Variants in ABHD2 observed in about 807,000 individuals in gnomAD.
ABHD2 encodes abhydrolase domain containing 2, acylglycerol lipase.
A neutral mutation model predicts 48.1 loss-of-function variants in ABHD2; 20 were observed. That is an observed-to-expected ratio of 0.42 (90% CI 0.29 to 0.60). The LOEUF is 0.60. Ranked by LOEUF, ABHD2 falls within the 20% of genes least tolerant of loss-of-function variation. The pLI is 0.24. For synonymous variants in ABHD2, 209 were observed against 214.2 expected (o/e 0.98, Z 0.21); for missense variants, 405 against 550.9 (o/e 0.74, Z 2.65).
Position 89,201,475 on chromosome 15 carries a change from G to A in ABHD2, c.*6052G>A. 2.0e-6 allele frequency: 3 copies of A among 1,531,366 alleles called. No homozygotes were observed. Among genetic ancestry groups the A allele is most frequent in the Non-Finnish European group, 2.7e-6 (3 of 1,110,758 alleles). 94.9% of individuals were successfully genotyped at this position (1,531,366 alleles called of 1,614,324 possible). A position where few individuals can be genotyped will look rare whatever the true frequency, so the allele number is the denominator to read the frequency against. On this transcript the variant is annotated 3_prime_UTR_variant, in exon 11 of 11. Coordinates refer to ENST00000352732, the MANE Select transcript of ABHD2 (RefSeq NM_152924.5). ...ATGAGGTTTTGCCTCATTCCACACA[G>A]CTTCCATATCTGAAGTGTTTAGTGG...
rs2051207286 is a variant in ABHD2, at chr15:89,186,230, CG to C, written c.815+715del. On this transcript the variant is annotated intron_variant, in intron 7 of 10. Coordinates refer to ENST00000352732, the MANE Select transcript of ABHD2 (RefSeq NM_152924.5). This position sits in a 1 kb window ranked among gnomAD's most constrained non-coding sequence, Gnocchi z 4.3. The stretch of plus-strand genomic sequence containing the variant: ...CAGGAGGCTCAGGGCATGGTTTCGG[CG>C]CCTCCCTGCTCGGAGTTTGAGCCTC... Among the ~76,000 whole-genome samples the C allele has an allele frequency of 6.6e-6, 1 of 152,132 alleles. No homozygotes were observed. The highest frequency in any genetic ancestry group is 2.4e-5 in the African/African-American group (1 of 41,418).
chr15:89,135,966 G>T (rs1008172733), intron 3 of ABHD2: 100 of 375,442 alleles, frequency 2.7e-4, no homozygotes, highest in African/African-American at 2.1e-3. Flanking sequence ...CCCTTTTGTT[G>T]CCCAGGCTGG....
intron 2 of ABHD2, among the ~76,000 whole-genome samples, chr15:89,115,045 G>A (rs2049933388): frequency 6.6e-6 from 1 of 152,162 alleles, no homozygotes; most frequent in Admixed American, 6.5e-5. Context: ...CTTACTGTAG[G>A]TCTTAGGAAA....
the ABHD2 span, among the ~76,000 whole-genome samples, chr15:89,051,343 G>T: frequency 6.6e-6 from 1 of 152,162 alleles, no homozygotes. Context: ...ACAAAGATGT[G>T]GGAAATACAG....
chr15:89,186,219 C>G lies in ABHD2; in HGVS notation c.815+703C>G, dbSNP rs1191604092. ...CAGCAGCGGGACAGGAGGCTCAGGG[C>G]ATGGTTTCGGCGCCTCCCTGCTCGG... On this transcript the variant is annotated intron_variant, in intron 7 of 10. Coordinates refer to ENST00000352732, the MANE Select transcript of ABHD2 (RefSeq NM_152924.5). The surrounding 1 kb of genome is among the most constrained non-coding windows in gnomAD (Gnocchi z 4.3). 1.3e-5 allele frequency among the ~76,000 whole-genome samples: 2 copies of G among 152,138 alleles called. No homozygotes were observed. Among genetic ancestry groups the G allele is most frequent in the Non-Finnish European group, 2.9e-5 (2 of 68,020 alleles).
At chr15:89,180,163 A>G (rs941807676) in intron 6 of ABHD2, among the ~76,000 whole-genome samples, 1 of 152,196 alleles carries the variant, frequency 6.6e-6, no homozygotes, top group Non-Finnish European at 1.5e-5. Context: ...ATGAGACTCT[A>G]TGGACGGAAC....
At chr15:89,062,857 G>A in the ABHD2 span, among the ~76,000 whole-genome samples, 1 of 151,898 alleles carries the variant, frequency 6.6e-6, no homozygotes. Flanking sequence ...ATTGATTTCC[G>A]GTGCTTACTG....
At chr15:89,119,348 C>A (rs763251802) in intron 3 of ABHD2, among the ~76,000 whole-genome samples, 5 of 152,172 alleles carry the variant, frequency 3.3e-5, no homozygotes, top group Non-Finnish European at 5.9e-5. Flanking sequence ...ATTGCCCCCC[C>A]ATCCTTCAAC....
Position 89,191,627 on chromosome 15 carries a change from CTT to C in ABHD2, c.996+495_996+496del, listed in dbSNP as rs57919032. 9.5e-4 allele frequency among the ~76,000 whole-genome samples: 116 copies of C among 121,694 alleles called. No homozygotes were observed. The East Asian group carries it at 0.013, about 14-fold the overall frequency. The allele number at this position is 121,694 out of a possible 152,430, so 79.8% of individuals were successfully genotyped here. A position where few individuals can be genotyped will look rare whatever the true frequency, so the allele number is the denominator to read the frequency against. On this transcript the variant is annotated intron_variant, in intron 9 of 10. Transcript: ENST00000352732. The stretch of plus-strand genomic sequence containing the variant: ...TAATGATGAGCATGTCTATTTTTTT[CTT>C]TTTTTTTTTTTTTTTTGAGATGGAG...
Position 89,175,647 on chromosome 15 carries a change from G to C in ABHD2, c.539-165G>C, listed in dbSNP as rs2050999212. ...TCTGGATAGCCAAAGAGCAGTGTCTGTCTCTCTCTCCACACACATCCCCCG... is the reference window on the plus strand; with the variant it reads ...TCTGGATAGCCAAAGAGCAGTGTCTCTCTCTCTCTCCACACACATCCCCCG... On this transcript the variant is annotated intron_variant, in intron 5 of 10. Coordinates refer to ENST00000352732, the MANE Select transcript of ABHD2 (RefSeq NM_152924.5). This position sits in a 1 kb window ranked among gnomAD's most constrained non-coding sequence, Gnocchi z 5.7. Among the ~76,000 whole-genome samples the C allele has an allele frequency of 6.6e-6, 1 of 152,036 alleles. No homozygotes were observed. Among genetic ancestry groups the C allele is most frequent in the Non-Finnish European group, 1.5e-5 (1 of 67,998 alleles).
chr15:89,075,017 A>C, the ABHD2 span, among the ~76,000 whole-genome samples: 1 of 152,038 alleles, frequency 6.6e-6, no homozygotes, highest in Non-Finnish European at 1.5e-5. The surrounding 1 kb of genome is among the most constrained non-coding windows in gnomAD (Gnocchi z 4.1). Flanking sequence ...AGACACCCAA[A>C]GTTTATCAAA....
chr15:89,162,311 A>T (rs1057412365), intron 5 of ABHD2, among the ~76,000 whole-genome samples: 4 of 152,142 alleles, frequency 2.6e-5, no homozygotes, highest in Non-Finnish European at 4.4e-5. Context: ...CTTTTGTTCA[A>T]TTTAAGATCC....
At chr15:89,156,823 C>T (rs1035708023) in intron 5 of ABHD2, among the ~76,000 whole-genome samples, 1 of 151,950 alleles carries the variant, frequency 6.6e-6, no homozygotes, top group Non-Finnish European at 1.5e-5. Context: ...TATACATAAA[C>T]AATAAACACA....
chr15:89,074,230 T>G, the ABHD2 span, among the ~76,000 whole-genome samples: 123,130 of 152,014 alleles, frequency 0.81, 50,400 homozygotes, highest in South Asian at 0.92. Context: ...ACAAAAATTA[T>G]CAGGGCGTGA....
chr15:89,133,834 A>AT (rs71464448), intron 3 of ABHD2, among the ~76,000 whole-genome samples: 4,077 of 123,702 alleles, frequency 0.033, 138 homozygotes, highest in Non-Finnish European at 0.036. Context: ...GCCATGCATA[A>AT]TTTTTTTTTT....
chr15:89,147,350 CTTTTTTT>C (rs35188439), intron 3 of ABHD2, among the ~76,000 whole-genome samples: 1 of 100,356 alleles, frequency 1.0e-5, no homozygotes, highest in African/African-American at 4.2e-5. Flanking sequence ...TTGCATAGCT[CTTTTTTT>C]TTTTTTTTTT....
chr15:89,085,869 A>G (rs1414288889), upstream of ABHD2, among the ~76,000 whole-genome samples: 1 of 152,208 alleles, frequency 6.6e-6, no homozygotes, highest in Non-Finnish European at 1.5e-5. The surrounding 1 kb of genome is among the most constrained non-coding windows in gnomAD (Gnocchi z 4.2). Context: ...CACAGGCAGA[A>G]GCAAACCTGT....
chr15:89,154,070 T>C (rs781204045), intron 4 of ABHD2, among the ~76,000 whole-genome samples: 2 of 152,178 alleles, frequency 1.3e-5, no homozygotes, highest in African/African-American at 2.4e-5. Flanking sequence ...ATTTACTAGG[T>C]CGAAGCTTAT....
the ABHD2 span, among the ~76,000 whole-genome samples, chr15:89,068,000 C>G: frequency 1.3e-5 from 2 of 152,188 alleles, no homozygotes; most frequent in Admixed American, 6.5e-5. Context: ...CCTTCCTCTT[C>G]TTTACCATAG....
Sources: allele counts gnomAD v4.1 joint callset (sites outside exome capture counted in the v4.1 genomes callset), GRCh38; gene constraint gnomAD v4.1.1; non-coding constraint Gnocchi (gnomAD v3.1); transcripts MANE v1.5; gene names NCBI Gene and HGNC (gene_info 2026-07-23, HGNC 2026-07-21).